MLXIP: variants seen among roughly 807,000 people sequenced by gnomAD.
MLXIP encodes the protein MLX interacting protein, also known as MLX-interacting protein.
MLXIP carries 30 observed loss-of-function variants against 87.2 expected under a neutral mutation model. The ratio of observed to expected loss-of-function variants is 0.34; its 90% CI spans 0.26 to 0.47. MLXIP has a LOEUF of 0.47. Ranked by LOEUF, MLXIP falls within the 20% of genes least tolerant of loss-of-function variation. MLXIP has a pLI of 1.00. For synonymous variants in MLXIP, 530 were observed against 514.0 expected, an observed-to-expected ratio of 1.03 and a Z score of -0.42; for missense variants, 1,002 against 1,240.1, an observed-to-expected ratio of 0.81 and a Z score of 2.88.
At chr12:122,093,461 A>G (rs1311381831) in intron 1 of MLXIP, among the ~76,000 whole-genome samples, 72,725 of 131,140 alleles carry the variant, frequency 0.55, 18,263 homozygotes, top group Admixed American at 0.62. Context: ...GGGTGTGTGT[A>G]TGTTTGCGGT....
intron 1 of MLXIP, among the ~76,000 whole-genome samples, chr12:122,095,926 G>A (rs984689693): frequency 5.9e-5 from 9 of 151,464 alleles, no homozygotes; most frequent in African/African-American, 1.9e-4. Flanking sequence ...GTGCAGTGGC[G>A]CGATCTCAGC....
intron 1 of MLXIP, among the ~76,000 whole-genome samples, chr12:122,119,451 G>A (rs1952744724): frequency 6.6e-6 from 1 of 152,044 alleles, no homozygotes; most frequent in African/African-American, 2.4e-5. Flanking sequence ...GAGTGCAATG[G>A]CGCAATCTCA....
intron 1 of MLXIP, among the ~76,000 whole-genome samples, chr12:122,113,662 C>T (rs1409748469): frequency 2.0e-5 from 3 of 149,132 alleles, no homozygotes; most frequent in Admixed American, 1.3e-4. Context: ...TAGAACAGTC[C>T]ATATAACTGC....
Position 122,078,972 on chromosome 12 carries a change from CG to C in MLXIP, c.120del (p.Pro41ArgfsTer93). 1 of 1,088,404 alleles carries C rather than the reference CG, an allele frequency of 9.2e-7. No individual in the cohort carries two copies. Among genetic ancestry groups the C allele is most frequent in the Non-Finnish European group, 1.1e-6 (1 of 892,572 alleles). The allele number at this position is 1,088,404 out of a possible 1,614,324, so 67.4% of individuals were successfully genotyped here. ...GACTCGGACACGGATGAGCCGTCCCCGCCGCCCGCCTCCGGCGCGGCCACCC... is the reference window on the plus strand; with the variant it reads ...GACTCGGACACGGATGAGCCGTCCCCCCGCCCGCCTCCGGCGCGGCCACCC... ...DDDSDTDEPS[P>X]PPASGAATPA... On this transcript the variant is annotated frameshift_variant, in exon 1 of 17. Transcript: ENST00000319080. LOFTEE classifies it high-confidence loss of function.
chr12:122,127,391 G>T, intron 2 of MLXIP, 29 bp downstream of exon 2: 1 of 1,542,646 alleles, frequency 6.5e-7, no homozygotes, highest in African/African-American at 1.4e-5. Flanking sequence ...GGGCGCCGGT[G>T]GTGGTCAGAA....
chr12:122,106,657 A>G lies in MLXIP; in HGVS notation c.414-20599A>G, dbSNP rs1393243926. 2.3e-5 allele frequency among the ~76,000 whole-genome samples: 3 copies of G among 130,384 alleles called. No individual in the cohort carries two copies. The Admixed American group carries it at 2.9e-4, about 13-fold the overall frequency. The allele number at this position is 130,384 out of a possible 152,430, so 85.5% of individuals were successfully genotyped here. On this transcript the variant is annotated intron_variant, in intron 1 of 16. Coordinates refer to ENST00000319080, the MANE Select transcript of MLXIP (RefSeq NM_014938.6). ...CACTCTGTCATCCAGGCTGGAGTGCAGTGGCGCGATCTCGGCTCACTGCAA... is the reference window on the plus strand; with the variant it reads ...CACTCTGTCATCCAGGCTGGAGTGCGGTGGCGCGATCTCGGCTCACTGCAA...
At position 122,137,370 on chromosome 12, in the gene MLXIP, A is replaced by G; in HGVS notation, c.2033-99A>G. ...AAAGAACCAAGTGCAATACGTGGCT[A>G]GCAGCGAGCACCTCATAACCCTGCA... On this transcript the variant is annotated intron_variant, in intron 11 of 16. Transcript: ENST00000319080. The surrounding 1 kb of genome is among the most constrained non-coding windows in gnomAD (Gnocchi z 4.1). The G allele has an allele frequency of 7.4e-7, 1 of 1,350,662 alleles. No individual in the cohort carries two copies. Among genetic ancestry groups the G allele is most frequent in the East Asian group, 2.5e-5 (1 of 39,968 alleles). The allele number at this position is 1,350,662 out of a possible 1,614,324, so 83.7% of individuals were successfully genotyped here.
chr12:122,137,436 C>G lies in MLXIP; in HGVS notation c.2033-33C>G, dbSNP rs764756389. The G allele has an allele frequency of 6.3e-7, 1 of 1,598,738 alleles. No individual in the cohort carries two copies. The highest frequency in any genetic ancestry group is 1.1e-5 in the South Asian group (1 of 89,368). On this transcript the variant is annotated intron_variant, in intron 11 of 16. Transcript: ENST00000319080. This position sits in a 1 kb window ranked among gnomAD's most constrained non-coding sequence, Gnocchi z 4.1. ...CTCCTGGTGGCGTTGAGGGGCCAGG[C>G]CTCCGCCCCTCAGAGGAGTCTGTTC...
chr12:122,122,514 C>G (rs572869375), intron 1 of MLXIP, among the ~76,000 whole-genome samples: 24 of 152,226 alleles, frequency 1.6e-4, no homozygotes, highest in African/African-American at 5.5e-4. Flanking sequence ...CAGGCACAGG[C>G]TACCACTCCC....
At position 122,127,344 on chromosome 12, in the gene MLXIP, C is replaced by T. The variant is rs1258623083; in HGVS notation, c.502C>T (p.Arg168Trp). The T allele has an allele frequency of 1.9e-6, 3 of 1,611,786 alleles. No individual in the cohort carries two copies. The highest frequency in any genetic ancestry group is 1.1e-5 in the South Asian group (1 of 90,652). ...DKIRLNNAIW[R>W]AWYMQYLEKR... ...GATCCGGCTCAATAATGCCATCTGG[C>T]GGGCCTGGTACATGCAGTGTAAGTG... The change falls in exon 2 of 17, where the codon CGG becomes TGG. Residue 168 changes from arginine (R) to tryptophan (W), a missense_variant. Transcript: ENST00000319080.
intron 5 of MLXIP, 112 bp from the exon 6 acceptor site, chr12:122,129,829 C>T: frequency 1.4e-6 from 2 of 1,405,706 alleles, no homozygotes; most frequent in Non-Finnish European, 1.9e-6. Flanking sequence ...ACCCTGCTGC[C>T]TCACTTCCAC....
chr12:122,127,793 G>C, intron 2 of MLXIP, 90 bp from the exon 3 acceptor site: 1 of 974,500 alleles, frequency 1.0e-6, no homozygotes, highest in South Asian at 1.3e-5. Flanking sequence ...TGGGAATGTG[G>C]TCTGCCCTAG....
At chr12:122,098,794 C>G (rs1204391069) in intron 1 of MLXIP, among the ~76,000 whole-genome samples, 1 of 152,204 alleles carries the variant, frequency 6.6e-6, no homozygotes, top group Admixed American at 6.5e-5. Context: ...CGCTCCGGTG[C>G]TCTGAAATTG....
chr12:122,129,253 C>T (rs757718738), intron 4 of MLXIP, 27 bp downstream of exon 4: 1 of 1,575,906 alleles, frequency 6.3e-7, no homozygotes, highest in South Asian at 1.2e-5. Flanking sequence ...TTCAGGCAGC[C>T]CGCCTAGGGA....
Position 122,137,511 on chromosome 12 carries a change from C to T in MLXIP, c.2075C>T (p.Ser692Leu), listed in dbSNP as rs768192222. The T allele has an allele frequency of 6.8e-6, 11 of 1,613,990 alleles. No homozygotes were observed. Among genetic ancestry groups the T allele is most frequent in the East Asian group, 2.2e-5 (1 of 44,884 alleles). The change falls in exon 12 of 17, where the codon TCG becomes TTG. Residue 692 changes from serine to leucine, a missense_variant. By Grantham distance (145) the Ser-to-Leu change is moderately radical (BLOSUM62 -2). Transcript: ENST00000319080. The surrounding 1 kb of genome is among the most constrained non-coding windows in gnomAD (Gnocchi z 4.1). ...TCAGGGCAGGCCTCTCCGTGTGCAT[C>T]GGAGCAGAGCCCCAGTCCTCAATCT... Reference protein sequence around the residue: ...PNSGQASPCASEQSPSPQSPQ... With the variant: ...PNSGQASPCALEQSPSPQSPQ...
chr12:122,078,848 C>G lies in MLXIP; in HGVS notation c.-6C>G, dbSNP rs890185973. On this transcript the variant is annotated 5_prime_UTR_variant, in exon 1 of 17. Transcript: ENST00000319080. ...TCCGGGGGATGCCCCCGGCCGAGCC[C>G]TTCTCATGGCCGCCGACGTCTTCAT... 1 of 1,074,650 alleles carries G rather than the reference C, an allele frequency of 9.3e-7. No homozygotes were observed. The highest frequency in any genetic ancestry group is 1.1e-6 in the Non-Finnish European group (1 of 887,474). 66.6% of individuals were successfully genotyped at this position (1,074,650 alleles called of 1,614,324 possible).
At chr12:122,086,504 A>G (rs1952170150) in intron 1 of MLXIP, among the ~76,000 whole-genome samples, 1 of 152,176 alleles carries the variant, frequency 6.6e-6, no homozygotes, top group Non-Finnish European at 1.5e-5. Context: ...CTTTTTTTAA[A>G]GGATTTATGT....
At chr12:122,097,613 T>TAAA (rs373093831) in intron 1 of MLXIP, among the ~76,000 whole-genome samples, 1 of 140,584 alleles carries the variant, frequency 7.1e-6, no homozygotes, top group Non-Finnish European at 1.5e-5. Flanking sequence ...ACCCTGCCTC[T>TAAA]AAAAAAAAAA....
intron 1 of MLXIP, among the ~76,000 whole-genome samples, chr12:122,110,046 ACT>A (rs1461644767): frequency 6.6e-6 from 1 of 151,878 alleles, no homozygotes; most frequent in Non-Finnish European, 1.5e-5. Flanking sequence ...AGGGCCAGGA[ACT>A]CTCTTTCTGG....
Sources: gnomAD v4.1 joint callset for allele counts (sites outside exome capture counted in the v4.1 genomes callset) on GRCh38, gnomAD v4.1.1 for gene constraint, Gnocchi (gnomAD v3.1) non-coding constraint, MANE v1.5 for transcripts, NCBI Gene and HGNC (gene_info 2026-07-23, HGNC 2026-07-21) for gene names.